Variants in EPM2A observed in about 807,000 individuals in gnomAD.
The protein encoded by EPM2A is EPM2A glucan phosphatase, laforin.
In EPM2A, 21 loss-of-function variants were observed where a neutral mutation model predicts 26.5. That is an observed-to-expected ratio of 0.79 (90% CI 0.56 to 1.14). EPM2A has a LOEUF of 1.14. EPM2A is among the 50% of genes most tolerant of loss of function. The pLI is 0.00. For synonymous variants in EPM2A, 217 were observed against 177.6 expected (o/e 1.22, Z -1.76); for missense variants, 458 against 440.8 (o/e 1.04, Z -0.35).
At chr6:145,663,594 G>A (rs966991649) in intron 2 of EPM2A, among the ~76,000 whole-genome samples, 1 of 151,696 alleles carries the variant, frequency 6.6e-6, no homozygotes, top group South Asian at 2.1e-4. Flanking sequence ...CACTCTGCAG[G>A]ATATTATCCA....
At chr6:145,698,777 C>T (rs1389133319) in intron 1 of EPM2A, among the ~76,000 whole-genome samples, 4 of 152,016 alleles carry the variant, frequency 2.6e-5, no homozygotes, top group Non-Finnish European at 5.9e-5. Context: ...AACATAGGAC[C>T]TTAATTAAGG....
chr6:145,687,542 C>T (rs1203443468), intron 1 of EPM2A, among the ~76,000 whole-genome samples: 7 of 151,952 alleles, frequency 4.6e-5, no homozygotes, highest in African/African-American at 1.7e-4. Context: ...TTTATACTAC[C>T]TAAGTATAAT....
At chr6:145,479,506 T>C (rs1324715233) in intron 4 of EPM2A, among the ~76,000 whole-genome samples, 2 of 151,922 alleles carry the variant, frequency 1.3e-5, no homozygotes, top group Admixed American at 1.3e-4. Context: ...TAGTATTTCA[T>C]ACAAGTGGAA....
At position 145,392,837 on chromosome 6, in the gene EPM2A, T is replaced by C. The variant is rs186657185; in HGVS notation, c.556-8740A>G. Among the ~76,000 whole-genome samples the C allele has an allele frequency of 2.4e-4, 36 of 152,254 alleles. No homozygotes were observed. The East Asian group carries it at 6.0e-3, about 25-fold the overall frequency. Reference sequence around the variant, plus strand: ...TTGGCACATCCTAAAACTGATCTTGTACTTATGTGGGAAGCAGCCTTTAGG... The same window carrying C: ...TTGGCACATCCTAAAACTGATCTTGCACTTATGTGGGAAGCAGCCTTTAGG... On this transcript the variant is annotated intron_variant, in intron 4 of 4. Transcript: ENST00000638717.
intron 4 of EPM2A, among the ~76,000 whole-genome samples, chr6:145,385,057 A>G (rs1778240777): frequency 6.7e-6 from 1 of 148,180 alleles, no homozygotes; most frequent in African/African-American, 2.5e-5. Context: ...AAGGTTTTTC[A>G]GATGTTTAGA....
chr6:145,395,794 A>G (rs1490812214), intron 4 of EPM2A, among the ~76,000 whole-genome samples: 1 of 152,100 alleles, frequency 6.6e-6, no homozygotes, highest in Non-Finnish European at 1.5e-5. Flanking sequence ...CTCAATCTGA[A>G]TTTTATCTGG....
intron 2 of EPM2A, among the ~76,000 whole-genome samples, chr6:145,580,282 A>C (rs2114835374): frequency 6.6e-6 from 1 of 152,224 alleles, no homozygotes; most frequent in East Asian, 1.9e-4. Flanking sequence ...AACAAGCATA[A>C]TTTATCATTT....
At chr6:145,563,370 A>G (rs1780835562) in intron 2 of EPM2A, among the ~76,000 whole-genome samples, 6 of 151,928 alleles carry the variant, frequency 3.9e-5, no homozygotes. Flanking sequence ...GACAAAAGGA[A>G]TGCACGCAAA....
chr6:145,396,975 A>G (rs1304821336), intron 4 of EPM2A, among the ~76,000 whole-genome samples: 3 of 152,210 alleles, frequency 2.0e-5, no homozygotes, highest in Non-Finnish European at 4.4e-5. Flanking sequence ...CACTGTGCCT[A>G]TCATTCCAGT....
At chr6:145,657,492 G>T (rs1489316889) in intron 2 of EPM2A, among the ~76,000 whole-genome samples, 1 of 152,040 alleles carries the variant, frequency 6.6e-6, no homozygotes, top group Non-Finnish European at 1.5e-5. Context: ...TAACTGACAG[G>T]ATTTATTCTC....
At chr6:145,680,576 G>A (rs1183778807) in intron 2 of EPM2A, among the ~76,000 whole-genome samples, 31 of 149,574 alleles carry the variant, frequency 2.1e-4, no homozygotes, top group African/African-American at 6.6e-4. Context: ...AGAGTGTGAT[G>A]TTCCCCTTCC....
intron 2 of EPM2A, among the ~76,000 whole-genome samples, chr6:145,566,058 A>C (rs936125172): frequency 2.0e-5 from 3 of 152,218 alleles, no homozygotes; most frequent in Non-Finnish European, 4.4e-5. Context: ...TCCGTAACCC[A>C]AGTCAGCCTC....
At chr6:145,684,111 C>A (rs760757868) in intron 2 of EPM2A, among the ~76,000 whole-genome samples, 88 of 151,362 alleles carry the variant, frequency 5.8e-4, no homozygotes, top group Non-Finnish European at 1.0e-3. Context: ...AAGTGAATAA[C>A]AGAATAAGTA....
downstream of EPM2A, among the ~76,000 whole-genome samples, chr6:145,497,281 C>T (rs565034776): frequency 2.6e-5 from 4 of 152,306 alleles, no homozygotes; most frequent in African/African-American, 9.6e-5. Flanking sequence ...AACTGTCTGG[C>T]CACTTTTCCG....
In EPM2A at chr6:145,477,898, G is replaced by C. The variant is rs368776849; in HGVS notation, c.555+24624C>G. 2.6e-5 allele frequency among the ~76,000 whole-genome samples: 4 copies of C among 151,852 alleles called. No homozygotes were observed. The East Asian group carries it at 7.7e-4, about 29-fold the overall frequency. On this transcript the variant is annotated intron_variant, in intron 4 of 4. Coordinates refer to the EPM2A transcript ENST00000638717. ...AACAAGGATGCCCACTGTCACCACT[G>C]TTATTTAACATAGTACTCTAAGTCC...
At chr6:145,419,162 A>G (rs966237210) in intron 4 of EPM2A, among the ~76,000 whole-genome samples, 1 of 147,442 alleles carries the variant, frequency 6.8e-6, no homozygotes, top group Admixed American at 7.0e-5. Flanking sequence ...CCATTGCCCA[A>G]GCAAATTCTG....
At chr6:145,616,638 G>A (rs1775519087) in intron 2 of EPM2A, among the ~76,000 whole-genome samples, 1 of 152,198 alleles carries the variant, frequency 6.6e-6, no homozygotes, top group Admixed American at 6.5e-5. Context: ...GCCAGCAGGG[G>A]GGCTATACCC....
At chr6:145,550,817 A>G (rs1033602244) in intron 2 of EPM2A, among the ~76,000 whole-genome samples, 17 of 152,076 alleles carry the variant, frequency 1.1e-4, no homozygotes, top group African/African-American at 3.4e-4. Context: ...GTAAGAATAA[A>G]CTATATAATA....
intron 1 of EPM2A, among the ~76,000 whole-genome samples, chr6:145,717,896 G>T (rs1202797027): frequency 6.6e-6 from 1 of 151,568 alleles, no homozygotes; most frequent in Non-Finnish European, 1.5e-5. Flanking sequence ...AAATACCTAG[G>T]AATCCAACTT....
Sources: allele counts gnomAD v4.1 joint callset (sites outside exome capture counted in the v4.1 genomes callset), GRCh38; gene constraint gnomAD v4.1.1; transcripts MANE v1.5; gene names NCBI Gene and HGNC (gene_info 2026-07-23, HGNC 2026-07-21).